Variants in LRFN2 observed in about 807,000 individuals in gnomAD.
The protein encoded by LRFN2 is leucine rich repeat and fibronectin type III domain containing 2.
Under a neutral mutation model 37.3 loss-of-function variants are expected in LRFN2, and 18 were observed. That is an observed-to-expected ratio of 0.48 (90% CI 0.33 to 0.72). LRFN2 has a LOEUF of 0.72. Ranked by LOEUF, LRFN2 falls within the 30% of genes least tolerant of loss-of-function variation. The pLI is 0.02. For missense variants in LRFN2, 1,006 were observed against 1,060.7 expected, an observed-to-expected ratio of 0.95 and a Z score of 0.72; for synonymous variants, 556 against 466.6, an observed-to-expected ratio of 1.19 and a Z score of -2.47.
intron 1 of LRFN2, among the ~76,000 whole-genome samples, chr6:40,435,090 G>GAC: frequency 8.3e-6 from 1 of 120,152 alleles, no homozygotes; most frequent in South Asian, 2.7e-4. Context: ...GAGAGAGAGA[G>GAC]ACAGAGAGAT....
In LRFN2 at chr6:40,431,957, GT is replaced by G; in HGVS notation, c.1156del (p.Thr386ProfsTer46). Reference sequence around the variant, plus strand: ...GGACTTGGGGGGTGCAGTGCGGCTGGTGCTGTTGCTGAGGTGTGGCAGCTGG... The same window carrying G: ...GGACTTGGGGGGTGCAGTGCGGCTGGGCTGTTGCTGAGGTGTGGCAGCTGG... ...IVQLPHLSNS[T>X]SRTAPPKSRL... is the part of the protein sequence containing the mutation. On this transcript the variant is annotated frameshift_variant, in exon 2 of 3. Transcript: ENST00000338305. LOFTEE classifies it high-confidence loss of function. 6.2e-7 allele frequency: 1 copy of G among 1,613,660 alleles called. No individual in the cohort carries two copies. Among genetic ancestry groups the G allele is most frequent in the Non-Finnish European group, 8.5e-7 (1 of 1,180,030 alleles).
intron 1 of LRFN2, among the ~76,000 whole-genome samples, chr6:40,546,691 G>A (rs112072773): frequency 1.2e-4 from 19 of 152,324 alleles, no homozygotes; most frequent in African/African-American, 4.6e-4. Context: ...TAAGTTTACT[G>A]AGTATTGACT....
intron 1 of LRFN2, among the ~76,000 whole-genome samples, chr6:40,577,644 T>C (rs1767317331): frequency 7.6e-6 from 1 of 131,740 alleles, no homozygotes; most frequent in Non-Finnish European, 1.6e-5. Flanking sequence ...CCATGTGATC[T>C]CATTGTTCAA....
chr6:40,474,251 T>A (rs775579038), intron 1 of LRFN2, among the ~76,000 whole-genome samples: 2 of 152,128 alleles, frequency 1.3e-5, no homozygotes, highest in Non-Finnish European at 2.9e-5. Context: ...GAAATGAAGG[T>A]GTCAGCAGGC....
At position 40,550,376 on chromosome 6, in the gene LRFN2, A is replaced by G. The variant is rs568079687; in HGVS notation, c.-19+36565T>C. On this transcript the variant is annotated intron_variant, in intron 1 of 2. Coordinates refer to ENST00000338305, the MANE Select transcript of LRFN2 (RefSeq NM_020737.3). ...CTGGTAATCTAACGTCTTTAGAGAG[A>G]GTCACATTGTCAAGCCTGGCTGGCA... is the stretch of plus-strand genomic sequence containing the variant. 9.9e-5 allele frequency among the ~76,000 whole-genome samples: 15 copies of G among 151,864 alleles called. No individual in the cohort carries two copies. In the East Asian group the frequency reaches 2.9e-3, roughly 29 times the overall value.
intron 1 of LRFN2, among the ~76,000 whole-genome samples, chr6:40,509,376 T>A (rs906997284): frequency 1.3e-5 from 2 of 152,254 alleles, no homozygotes; most frequent in Non-Finnish European, 2.9e-5. Context: ...TCGGGCAATT[T>A]TTCCCAGAAT....
chr6:40,408,689 C>G (rs75526243), intron 2 of LRFN2, among the ~76,000 whole-genome samples: 9,835 of 152,190 alleles, frequency 0.065, 1,009 homozygotes, highest in African/African-American at 0.22. Context: ...CTAGTACCTA[C>G]TGTGTAGGAA....
intron 1 of LRFN2, among the ~76,000 whole-genome samples, chr6:40,497,747 C>T (rs1445803154): frequency 6.6e-6 from 1 of 152,192 alleles, no homozygotes; most frequent in Admixed American, 6.5e-5. Context: ...CTCCCCCACC[C>T]TCACCTTCCT....
At chr6:40,460,469 G>T (rs984600882) in intron 1 of LRFN2, among the ~76,000 whole-genome samples, 1 of 152,148 alleles carries the variant, frequency 6.6e-6, no homozygotes, top group South Asian at 2.1e-4. Context: ...CCTCTGAAAT[G>T]AGCATTAGAA....
At chr6:40,517,672 AAGGCAGGCTTATTTC>A (rs1398361371) in intron 1 of LRFN2, among the ~76,000 whole-genome samples, 2 of 152,152 alleles carry the variant, frequency 1.3e-5, no homozygotes, top group Non-Finnish European at 2.9e-5. Context: ...TGCATTGCAG[AAGGCAGGCTTATTTC>A]AGTATCAGTC....
intron 2 of LRFN2, among the ~76,000 whole-genome samples, chr6:40,431,510 G>A (rs979777958): frequency 4.6e-5 from 7 of 152,206 alleles, no homozygotes; most frequent in South Asian, 2.1e-4. Flanking sequence ...CAGGCTGCCC[G>A]TGTGGATTCT....
In LRFN2 at chr6:40,431,783, T is replaced by G. The variant is rs1763491142; in HGVS notation, c.1331A>C (p.Lys444Thr). 3 of 1,536,654 alleles carry G rather than the reference T, an allele frequency of 2.0e-6. No individual in the cohort carries two copies. The highest frequency in any genetic ancestry group is 1.8e-6 in the Non-Finnish European group (2 of 1,141,414). The change falls in exon 2 of 3, where the codon AAG becomes ACG. Residue 444 changes from lysine (K) to threonine (T), a missense_variant. Coordinates refer to ENST00000338305, the MANE Select transcript of LRFN2 (RefSeq NM_020737.3). ...GTACATCTTCACCCGGGGTGCTGACTTGCTGACAGACCACTTGACCAGGGC... is the reference window on the plus strand; with the variant it reads ...GTACATCTTCACCCGGGGTGCTGACGTGCTGACAGACCACTTGACCAGGGC... ...TSALVKWSVS[K>T]SAPRVKMYQL...
intron 1 of LRFN2, among the ~76,000 whole-genome samples, chr6:40,507,056 G>A (rs1244864821): frequency 6.6e-6 from 1 of 152,210 alleles, no homozygotes; most frequent in Non-Finnish European, 1.5e-5. Flanking sequence ...AGGTAATCGT[G>A]CTTAAATGGT....
chr6:40,480,171 GA>G (rs1764795421), intron 1 of LRFN2, among the ~76,000 whole-genome samples: 1 of 152,204 alleles, frequency 6.6e-6, no homozygotes, highest in African/African-American at 2.4e-5. Flanking sequence ...TTTCTCAGAT[GA>G]GGAAATGGAG....
chr6:40,583,141 GA>G (rs1767435084), intron 1 of LRFN2, among the ~76,000 whole-genome samples: 2 of 151,512 alleles, frequency 1.3e-5, no homozygotes, highest in Non-Finnish European at 2.9e-5. Context: ...CAAAAAAAGA[GA>G]ACTTAATCTT....
intron 1 of LRFN2, among the ~76,000 whole-genome samples, chr6:40,436,548 G>T (rs115533032): frequency 1.1e-3 from 164 of 149,190 alleles, no homozygotes; most frequent in Middle Eastern, 3.5e-3. Context: ...TGGCCAAAGT[G>T]CCGAGTTCCA....
intron 1 of LRFN2, among the ~76,000 whole-genome samples, chr6:40,522,683 G>A (rs1766117724): frequency 6.6e-6 from 1 of 152,114 alleles, no homozygotes; most frequent in East Asian, 1.9e-4. Context: ...GCCCTGGCCT[G>A]CCCCCTACTC....
chr6:40,528,769 T>C (rs1326414495), intron 1 of LRFN2, among the ~76,000 whole-genome samples: 1 of 152,210 alleles, frequency 6.6e-6, no homozygotes, highest in Non-Finnish European at 1.5e-5. Flanking sequence ...ACATCCTAAG[T>C]TGGGGACTGT....
At chr6:40,473,909 C>T (rs1262913275) in intron 1 of LRFN2, among the ~76,000 whole-genome samples, 2 of 152,160 alleles carry the variant, frequency 1.3e-5, no homozygotes, top group East Asian at 1.9e-4. Context: ...AAAAACTGGC[C>T]GCCTGGACCC....
Sources: gnomAD v4.1 joint callset for allele counts (sites outside exome capture counted in the v4.1 genomes callset) on GRCh38, gnomAD v4.1.1 for gene constraint, MANE v1.5 for transcripts, NCBI Gene and HGNC (gene_info 2026-07-23, HGNC 2026-07-21) for gene names.